Variants in KLHL3 observed in about 807,000 individuals in gnomAD.
The protein encoded by KLHL3 is kelch-like protein 3.
A neutral mutation model predicts 70.5 loss-of-function variants in KLHL3; 19 were observed. The ratio of observed to expected loss-of-function variants is 0.27; its 90% CI spans 0.19 to 0.40. The LOEUF is 0.40. KLHL3 is among the 10% of genes least tolerant of loss of function. The pLI is 1.00. For synonymous variants in KLHL3, 258 were observed against 290.3 expected, an observed-to-expected ratio of 0.89 and a Z score of 1.13; for missense variants, 512 against 771.1, an observed-to-expected ratio of 0.66 and a Z score of 3.98.
intron 8 of KLHL3, chr5:137,647,734 C>A: frequency 2.6e-6 from 1 of 390,636 alleles, no homozygotes. Flanking sequence ...TTGCTCTAGG[C>A]AAGTACTGAT....
chr5:137,722,667 T>C (rs1296968317), intron 1 of KLHL3, among the ~76,000 whole-genome samples: 1 of 152,206 alleles, frequency 6.6e-6, no homozygotes, highest in African/African-American at 2.4e-5. Flanking sequence ...TAAGCCCTTA[T>C]TTCATCTGAT....
intron 6 of KLHL3, among the ~76,000 whole-genome samples, chr5:137,666,084 C>A (rs890724373): frequency 6.6e-6 from 1 of 152,206 alleles, no homozygotes; most frequent in Non-Finnish European, 1.5e-5. Context: ...GTTTCTTCCA[C>A]TAGCCCTTAA....
intron 1 of KLHL3, chr5:137,721,135 T>A (rs550869435): frequency 6.5e-6 from 1 of 153,050 alleles, no homozygotes; most frequent in Admixed American, 6.5e-5. Context: ...GATAGCAGGT[T>A]GATGGAAAGC....
intron 8 of KLHL3, among the ~76,000 whole-genome samples, chr5:137,655,041 C>T (rs1751303896): frequency 6.6e-6 from 1 of 152,254 alleles, no homozygotes; most frequent in African/African-American, 2.4e-5. Flanking sequence ...ATGGTTTCTA[C>T]ACAAAAAAGC....
At chr5:137,668,923 T>C (rs1751681862) in intron 6 of KLHL3, among the ~76,000 whole-genome samples, 1 of 152,194 alleles carries the variant, frequency 6.6e-6, no homozygotes, top group Non-Finnish European at 1.5e-5. Context: ...AGCACACCAC[T>C]GGCTGAGCGA....
At chr5:137,705,604 G>C (rs1426138469) in intron 3 of KLHL3, among the ~76,000 whole-genome samples, 1 of 152,124 alleles carries the variant, frequency 6.6e-6, no homozygotes, top group Non-Finnish European at 1.5e-5. Flanking sequence ...ATCACTCCCA[G>C]GGCTTCATTT....
At chr5:137,642,461 G>A (rs1372661959) in intron 8 of KLHL3, among the ~76,000 whole-genome samples, 3 of 152,298 alleles carry the variant, frequency 2.0e-5, no homozygotes, top group African/African-American at 7.2e-5. Flanking sequence ...CATTGTGCTG[G>A]ACCATCAGTG....
intron 5 of KLHL3, among the ~76,000 whole-genome samples, chr5:137,683,804 G>GCACACA (rs754512601): frequency 2.0e-5 from 3 of 147,138 alleles, no homozygotes; most frequent in African/African-American, 7.5e-5. Flanking sequence ...ACATGCACGC[G>GCACACA]CACACACACA....
chr5:137,708,697 AG>A lies in KLHL3; in HGVS notation c.241+1052del, dbSNP rs201779992. On this transcript the variant is annotated intron_variant, in intron 3 of 14. Transcript: ENST00000309755. ...TCAGATGGTGATAAATGTTATGAAA[AG>A]ATGAAGTCAAGTTATAGGATAGAGA... is the stretch of plus-strand genomic sequence containing the variant. 6.1e-3 allele frequency among the ~76,000 whole-genome samples: 936 copies of A among 152,324 alleles called. 11 individuals are homozygous for A. The highest frequency in any genetic ancestry group is 0.021 in the African/African-American group (889 of 41,560).
At chr5:137,734,109 T>C (rs1160595122) in intron 1 of KLHL3, among the ~76,000 whole-genome samples, 1 of 152,208 alleles carries the variant, frequency 6.6e-6, no homozygotes. Context: ...TGCCCAAAAC[T>C]GTTTGATCCG....
chr5:137,733,959 T>A (rs199552094), intron 1 of KLHL3, among the ~76,000 whole-genome samples: 14 of 152,316 alleles, frequency 9.2e-5, no homozygotes, highest in African/African-American at 2.9e-4. Flanking sequence ...TTGTCTACCA[T>A]CTGCCTTCAG....
At chr5:137,713,399 T>C (rs1752835155) in intron 2 of KLHL3, among the ~76,000 whole-genome samples, 1 of 152,168 alleles carries the variant, frequency 6.6e-6, no homozygotes, top group South Asian at 2.1e-4. Flanking sequence ...CAATTGATTT[T>C]TGACAAGGTA....
intron 8 of KLHL3, among the ~76,000 whole-genome samples, chr5:137,654,851 A>T (rs1301869398): frequency 6.6e-6 from 1 of 152,060 alleles, no homozygotes; most frequent in Non-Finnish European, 1.5e-5. Flanking sequence ...CAAGGGGTAG[A>T]CTCTTCTTTC....
At chr5:137,680,394 A>G (rs1325542792) in intron 5 of KLHL3, among the ~76,000 whole-genome samples, 1 of 152,164 alleles carries the variant, frequency 6.6e-6, no homozygotes, top group Non-Finnish European at 1.5e-5. Context: ...AATACCTGAC[A>G]TAGGTCTCAA....
chr5:137,620,405 G>A lies in KLHL3; in HGVS notation c.*1693C>T, dbSNP rs1196993902. The A allele has an allele frequency of 1.3e-5, 2 of 152,200 alleles. No homozygotes were observed. Among genetic ancestry groups the A allele is most frequent in the Non-Finnish European group, 2.9e-5 (2 of 68,036 alleles). The allele number at this position is 152,200 out of a possible 1,614,324, so 9.4% of individuals were successfully genotyped here. Reference sequence around the variant, plus strand: ...GGGTTTCTAACTGCAGGGGCTGGGGGATGCCAATCTCCTGCAGCACCTGCT... The same window carrying A: ...GGGTTTCTAACTGCAGGGGCTGGGGAATGCCAATCTCCTGCAGCACCTGCT... On this transcript the variant is annotated 3_prime_UTR_variant, in exon 15 of 15. Transcript: ENST00000309755.
Position 137,639,834 on chromosome 5 carries a change from G to A in KLHL3, c.1021+26C>T, listed in dbSNP as rs376407113. 2.7e-5 allele frequency: 42 copies of A among 1,572,680 alleles called. No individual in the cohort carries two copies. The highest frequency in any genetic ancestry group is 3.5e-5 in the Non-Finnish European group (40 of 1,142,458). On this transcript the variant is annotated intron_variant, in intron 9 of 14. Transcript: ENST00000309755. The surrounding 1 kb of genome is among the most constrained non-coding windows in gnomAD (Gnocchi z 5.0). ...AGTGGGGACCAGCAGGGGAAAAACA[G>A]CTTGCAGAACTGGGAGGCTGCTCAC...
At chr5:137,652,412 T>C (rs1430787979) in intron 8 of KLHL3, among the ~76,000 whole-genome samples, 2 of 152,230 alleles carry the variant, frequency 1.3e-5, no homozygotes, top group Non-Finnish European at 2.9e-5. Flanking sequence ...GGAATCAAGC[T>C]ACATGTCCAT....
At position 137,639,135 on chromosome 5, in the gene KLHL3, G is replaced by C. The variant is rs755460792; in HGVS notation, c.1037C>G (p.Ala346Gly). 15 of 1,613,676 alleles carry C rather than the reference G, an allele frequency of 9.3e-6. No homozygotes were observed. Among genetic ancestry groups the C allele is most frequent in the Non-Finnish European group, 1.3e-5 (15 of 1,179,866 alleles). Reference sequence around the variant, plus strand: ...CCCTCCCACGGCATACACGTGGCCAGCCATGAACACCACACCTGAGGCACA... The same window carrying C: ...CCCTCCCACGGCATACACGTGGCCACCCATGAACACCACACCTGAGGCACA... ...RRCRAGVVFMAGHVYAVGGFN... is the reference protein window; with the variant it reads ...RRCRAGVVFMGGHVYAVGGFN... Residue 346 changes from alanine (A) to glycine (G), a missense_variant, in exon 10 of 15, where the codon GCT (alanine) becomes GGT (glycine). Physicochemically the swap from Ala to Gly is moderately conservative, Grantham distance 60. Transcript: ENST00000309755. The surrounding 1 kb of genome is among the most constrained non-coding windows in gnomAD (Gnocchi z 5.0).
rs992740538 is a variant in KLHL3, at chr5:137,621,120, A to G, written c.*978T>C. 2 of 152,688 alleles carry G rather than the reference A, an allele frequency of 1.3e-5. No homozygotes were observed. Among genetic ancestry groups the G allele is most frequent in the Non-Finnish European group, 2.9e-5 (2 of 68,064 alleles). 9.5% of individuals were successfully genotyped at this position (152,688 alleles called of 1,614,324 possible). ...TGTGAATAATTAAACTGGGATAATA[A>G]GTATAAATGGGGACTGTCCTGTCCT... On this transcript the variant is annotated 3_prime_UTR_variant, in exon 15 of 15. Transcript: ENST00000309755.
Sources: allele counts gnomAD v4.1 joint callset (sites outside exome capture counted in the v4.1 genomes callset), GRCh38; gene constraint gnomAD v4.1.1; non-coding constraint Gnocchi (gnomAD v3.1); transcripts MANE v1.5; gene names NCBI Gene and HGNC (gene_info 2026-07-23, HGNC 2026-07-21).